The following SGCZ variants were observed in gnomAD, a reference collection of about 807,000 sequenced individuals.
SGCZ encodes the protein zeta-sarcoglycan.
In SGCZ, 40 loss-of-function variants were observed where a neutral mutation model predicts 41.3. The ratio of observed to expected loss-of-function variants is 0.97; its 90% CI spans 0.75 to 1.26. The LOEUF (loss-of-function observed/expected upper bound fraction) is 1.26. Among genes scored for constraint, SGCZ ranks in the 50% most tolerant of loss-of-function variants. The pLI, the probability that SGCZ is intolerant of heterozygous loss-of-function variation, is 0.00. For synonymous variants in SGCZ, 206 were observed against 137.5 expected (o/e 1.50, Z -3.49); for missense variants, 552 against 369.8 (o/e 1.49, Z -4.04).
chr8:14,625,529 C>A (rs1409391663), intron 1 of SGCZ, among the ~76,000 whole-genome samples: 3 of 152,098 alleles, frequency 2.0e-5, no homozygotes, highest in Non-Finnish European at 4.4e-5. Context: ...AGATTTCATA[C>A]CTAGAGGACA....
At chr8:14,244,814 A>T (rs1218822469) in intron 3 of SGCZ, among the ~76,000 whole-genome samples, 1 of 152,188 alleles carries the variant, frequency 6.6e-6, no homozygotes, top group Non-Finnish European at 1.5e-5. Context: ...TTCAAGTCCC[A>T]TGTAAGTTGG....
intron 7 of SGCZ, among the ~76,000 whole-genome samples, chr8:14,096,031 C>G (rs1443228651): frequency 2.0e-5 from 3 of 152,118 alleles, no homozygotes; most frequent in African/African-American, 7.2e-5. Context: ...TCTAAATATA[C>G]AATCATGTCA....
Position 14,953,955 on chromosome 8 carries a change from G to C in SGCZ, c.39+283630C>G, listed in dbSNP as rs369661606. On this transcript the variant is annotated intron_variant, in intron 1 of 7. Coordinates refer to ENST00000382080, the MANE Select transcript of SGCZ (RefSeq NM_139167.4). Reference sequence around the variant, plus strand: ...ATTTTTTTCATCCCCAGTCCTTTCAGTGTTACTGATAAGTTTAGTTAAGTA... The same window carrying C: ...ATTTTTTTCATCCCCAGTCCTTTCACTGTTACTGATAAGTTTAGTTAAGTA... Among the ~76,000 whole-genome samples, 38 of 152,200 alleles carry C rather than the reference G, an allele frequency of 2.5e-4. No homozygotes were observed. In the East Asian group the frequency reaches 7.2e-3, roughly 29 times the overall value.
intron 1 of SGCZ, among the ~76,000 whole-genome samples, chr8:14,817,783 T>A (rs527784525): frequency 4.9e-4 from 74 of 152,246 alleles, no homozygotes; most frequent in Non-Finnish European, 8.5e-4. Flanking sequence ...GCACAGCCCA[T>A]GTACAACCTG....
rs1334397863 is a variant in SGCZ at position 14,325,745 on chromosome 8, CACATATAT to C, written c.235-1549_235-1542del. 1.1e-3 allele frequency among the ~76,000 whole-genome samples: 28 copies of C among 25,490 alleles called. No individual in the cohort carries two copies. The East Asian group carries it at 0.018, about 17-fold the overall frequency. 16.7% of individuals were successfully genotyped at this position (25,490 alleles called of 152,430 possible). A position where few individuals can be genotyped will look rare whatever the true frequency, so the allele number is the denominator to read the frequency against. ...ACACACACACACACACACACACACA[CACATATAT>C]ATATATATATATATATATATATATA... On this transcript the variant is annotated intron_variant, in intron 2 of 7. Coordinates refer to ENST00000382080, the MANE Select transcript of SGCZ (RefSeq NM_139167.4).
intron 1 of SGCZ, among the ~76,000 whole-genome samples, chr8:15,151,764 G>A (rs540892261): frequency 6.6e-6 from 1 of 152,228 alleles, no homozygotes; most frequent in East Asian, 1.9e-4. Context: ...CTTAAGCACT[G>A]AATAAATATA....
chr8:14,492,859 G>T (rs768454070), intron 2 of SGCZ, among the ~76,000 whole-genome samples: 1 of 152,144 alleles, frequency 6.6e-6, no homozygotes, highest in Admixed American at 6.5e-5. Context: ...TGACATCTCA[G>T]TGTAATTCTT....
At chr8:14,618,376 C>G (rs992784512) in intron 1 of SGCZ, among the ~76,000 whole-genome samples, 5 of 152,066 alleles carry the variant, frequency 3.3e-5, no homozygotes, top group African/African-American at 1.2e-4. Flanking sequence ...AGAACTGGGA[C>G]TCAAAGGAGT....
intron 1 of SGCZ, among the ~76,000 whole-genome samples, chr8:14,592,035 A>G (rs1370467020): frequency 6.6e-6 from 1 of 152,138 alleles, no homozygotes. Flanking sequence ...TGCATTAAAT[A>G]TTGTTGTGTC....
chr8:14,412,306 A>G (rs1799381409), intron 2 of SGCZ, among the ~76,000 whole-genome samples: 2 of 152,100 alleles, frequency 1.3e-5, no homozygotes, highest in Admixed American at 1.3e-4. Flanking sequence ...GTTACAGAAA[A>G]TATGTGTAAA....
At chr8:15,113,165 C>T (rs1467440338) in intron 1 of SGCZ, among the ~76,000 whole-genome samples, 1 of 149,310 alleles carries the variant, frequency 6.7e-6, no homozygotes, top group African/African-American at 2.5e-5. Flanking sequence ...GCCATAATCA[C>T]GCCACTGCAC....
chr8:14,222,919 C>G (rs547482594), intron 4 of SGCZ, among the ~76,000 whole-genome samples: 1 of 148,150 alleles, frequency 6.7e-6, no homozygotes, highest in Non-Finnish European at 1.5e-5. Context: ...TCAAGAGACT[C>G]TCCTGTCTCA....
chr8:14,777,520 A>G (rs772855266), intron 1 of SGCZ, among the ~76,000 whole-genome samples: 12 of 152,192 alleles, frequency 7.9e-5, no homozygotes, highest in Non-Finnish European at 1.3e-4. Flanking sequence ...TGAAGATCCA[A>G]TCACAGACTG....
At chr8:14,993,337 A>G (rs11989104) in intron 1 of SGCZ, among the ~76,000 whole-genome samples, 12,227 of 152,174 alleles carry the variant, frequency 0.08, 783 homozygotes, top group African/African-American at 0.17. Flanking sequence ...AGCATCTAGG[A>G]TGTACCCAAA....
intron 2 of SGCZ, among the ~76,000 whole-genome samples, chr8:14,383,036 T>C (rs992257627): frequency 1.3e-5 from 2 of 152,068 alleles, no homozygotes; most frequent in African/African-American, 4.8e-5. Context: ...TACAGCCCAA[T>C]AGAGATACAG....
intron 4 of SGCZ, among the ~76,000 whole-genome samples, chr8:14,199,993 G>T (rs1451825705): frequency 6.6e-6 from 1 of 152,064 alleles, no homozygotes; most frequent in African/African-American, 2.4e-5. Context: ...AGATGAAAAA[G>T]ACATTAAATT....
chr8:15,116,499 C>T (rs988382552), intron 1 of SGCZ, among the ~76,000 whole-genome samples: 8 of 152,060 alleles, frequency 5.3e-5, no homozygotes, highest in African/African-American at 1.4e-4. Flanking sequence ...CAATTTTAAA[C>T]GATAGATTTT....
chr8:14,367,834 T>C (rs1270018850), intron 2 of SGCZ, among the ~76,000 whole-genome samples: 5 of 151,968 alleles, frequency 3.3e-5, no homozygotes, highest in Non-Finnish European at 5.9e-5. Context: ...TGTCATTCCC[T>C]CTCCTTAGCA....
intron 1 of SGCZ, among the ~76,000 whole-genome samples, chr8:15,043,633 T>G (rs1253150671): frequency 6.6e-6 from 1 of 152,140 alleles, no homozygotes; most frequent in Non-Finnish European, 1.5e-5. Flanking sequence ...TTAAAGTATG[T>G]AACAATCTTT....
Sources: allele counts gnomAD v4.1 joint callset (sites outside exome capture counted in the v4.1 genomes callset), GRCh38; gene constraint gnomAD v4.1.1; transcripts MANE v1.5; gene names NCBI Gene and HGNC (gene_info 2026-07-23, HGNC 2026-07-21).